Variants in STX17 observed in about 807,000 individuals in gnomAD.
STX17 encodes syntaxin-17.
A neutral mutation model predicts 35.9 loss-of-function variants in STX17; 29 were observed. The ratio of observed to expected loss-of-function variants is 0.81; its 90% CI spans 0.60 to 1.10. The LOEUF is 1.10. Ranked by LOEUF, STX17 falls within the 50% of genes least tolerant of loss-of-function variation. STX17 has a pLI of 0.00. For missense variants in STX17, 312 were observed against 352.3 expected, an observed-to-expected ratio of 0.89 and a Z score of 0.92; for synonymous variants, 92 against 118.3, an observed-to-expected ratio of 0.78 and a Z score of 1.44.
chr9:99,940,730 C>T (rs1829339527), intron 3 of STX17, among the ~76,000 whole-genome samples: 2 of 152,198 alleles, frequency 1.3e-5, no homozygotes, highest in Admixed American at 1.3e-4. Context: ...GTCCGCCTGA[C>T]TCAGCCTCCC....
At position 99,918,611 on chromosome 9, in the gene STX17, T is replaced by C. The variant is rs74717419; in HGVS notation, c.123+3249T>C. Among the ~76,000 whole-genome samples, 595 of 152,206 alleles carry C rather than the reference T, an allele frequency of 3.9e-3. 30 individuals carry two copies. The East Asian group carries it at 0.1, about 26-fold the overall frequency. On this transcript the variant is annotated intron_variant, in intron 2 of 7. Transcript: ENST00000259400. ...TCTTCTGTTTCAGCATATAGTATTA[T>C]AGGCTTTTCTTGGCTGGCTTTTGAT...
chr9:99,940,475 T>C lies in STX17; in HGVS notation c.190-10585T>C, dbSNP rs1403169995. Among the ~76,000 whole-genome samples the C allele has an allele frequency of 1.4e-5, 2 of 146,486 alleles. 1 individual carries two copies. The highest frequency in any genetic ancestry group is 6.9e-3 in the Middle Eastern group (2 of 288). ...TTGTATAGTGTAGAATTTTACTTTTTTTTTTTTTTTTTTTGAGATGGAGTC... is the reference window on the plus strand; with the variant it reads ...TTGTATAGTGTAGAATTTTACTTTTCTTTTTTTTTTTTTTGAGATGGAGTC... On this transcript the variant is annotated intron_variant, in intron 3 of 7. Coordinates refer to ENST00000259400, the MANE Select transcript of STX17 (RefSeq NM_017919.3).
chr9:99,953,430 T>C (rs1003062892), intron 4 of STX17, among the ~76,000 whole-genome samples: 1 of 152,132 alleles, frequency 6.6e-6, no homozygotes, highest in Non-Finnish European at 1.5e-5. Context: ...AAGGAGATGC[T>C]AGCACTCAAT....
intron 2 of STX17, among the ~76,000 whole-genome samples, chr9:99,926,906 G>A (rs532859340): frequency 6.6e-6 from 1 of 152,318 alleles, no homozygotes; most frequent in African/African-American, 2.4e-5. Flanking sequence ...CTGATACTCA[G>A]TGTATTCCAA....
rs1829998924 is a variant in STX17 at position 99,970,424 on chromosome 9, C to T, written c.*1751C>T. The stretch of plus-strand genomic sequence containing the variant: ...CTTTGAATAAGTGTCAGATTCTGAT[C>T]CAGTATTGGACACCTGTGATATTGG... On this transcript the variant is annotated 3_prime_UTR_variant, in exon 8 of 8. Coordinates refer to ENST00000259400, the MANE Select transcript of STX17 (RefSeq NM_017919.3). 6.6e-6 allele frequency: 1 copy of T among 152,086 alleles called. No individual in the cohort carries two copies. Among genetic ancestry groups the T allele is most frequent in the South Asian group, 2.1e-4 (1 of 4,826 alleles). 9.4% of individuals were successfully genotyped at this position (152,086 alleles called of 1,614,324 possible).
chr9:99,963,342 G>T (rs879435185), intron 6 of STX17, among the ~76,000 whole-genome samples: 26 of 152,160 alleles, frequency 1.7e-4, no homozygotes, highest in Admixed American at 1.7e-3. Context: ...CCCTGGGCCA[G>T]TAGTTCAGTA....
At chr9:99,921,869 A>G (rs903239059) in intron 2 of STX17, among the ~76,000 whole-genome samples, 1 of 151,848 alleles carries the variant, frequency 6.6e-6, no homozygotes, top group African/African-American at 2.4e-5. Flanking sequence ...TTTGTTCTTA[A>G]TCTTCCTTTG....
intron 1 of STX17, among the ~76,000 whole-genome samples, chr9:99,909,517 G>A (rs974865744): frequency 6.6e-6 from 1 of 152,192 alleles, no homozygotes; most frequent in Admixed American, 6.5e-5. Flanking sequence ...AAGAGGCAGT[G>A]TGATAGATTG....
intron 1 of STX17, among the ~76,000 whole-genome samples, chr9:99,911,376 ACAC>A (rs1828661252): frequency 6.6e-6 from 1 of 151,940 alleles, no homozygotes; most frequent in Non-Finnish European, 1.5e-5. Context: ...TTGTGTATAT[ACAC>A]CACATTTTCT....
intron 3 of STX17, among the ~76,000 whole-genome samples, chr9:99,944,376 C>G (rs543655757): frequency 2.6e-5 from 4 of 151,988 alleles, no homozygotes; most frequent in African/African-American, 9.6e-5. Context: ...TAGTTTCTTG[C>G]AATGGATTTT....
intron 4 of STX17, chr9:99,953,873 G>A (rs1453858478): frequency 1.3e-5 from 2 of 151,806 alleles, no homozygotes; most frequent in Non-Finnish European, 2.9e-5. Context: ...TTGTTTTACT[G>A]CCAGTAGAAC....
chr9:99,932,408 C>T (rs1829144074), intron 3 of STX17, among the ~76,000 whole-genome samples: 1 of 152,030 alleles, frequency 6.6e-6, no homozygotes, highest in Non-Finnish European at 1.5e-5. Flanking sequence ...GCTGTATTTA[C>T]TGCTTGCTAA....
intron 4 of STX17, among the ~76,000 whole-genome samples, chr9:99,955,839 C>T (rs1829696449): frequency 6.6e-6 from 1 of 152,046 alleles, no homozygotes; most frequent in Admixed American, 6.6e-5. Context: ...GATTATGTTA[C>T]ATGAAACAGT....
intron 3 of STX17, among the ~76,000 whole-genome samples, chr9:99,941,978 A>C (rs1422525911): frequency 1.3e-5 from 2 of 152,224 alleles, no homozygotes; most frequent in Non-Finnish European, 2.9e-5. Context: ...TCTGTTGAGT[A>C]TATTCCTAGG....
intron 4 of STX17, 167 bp downstream of exon 4, chr9:99,951,452 G>C (rs1829594338): frequency 1.6e-6 from 1 of 633,564 alleles, no homozygotes; most frequent in African/African-American, 1.8e-5. Flanking sequence ...GTGTACCCTG[G>C]ATATTTTGCA....
intron 3 of STX17, among the ~76,000 whole-genome samples, chr9:99,930,793 A>G (rs960129969): frequency 2.0e-5 from 3 of 152,038 alleles, no homozygotes; most frequent in African/African-American, 7.3e-5. Context: ...TACCTTGGAG[A>G]TAAATATAAG....
chr9:99,974,511 C>G lies in STX17; in HGVS notation c.*5838C>G, dbSNP rs1830069396. Among the ~76,000 whole-genome samples the G allele has an allele frequency of 6.6e-6, 1 of 152,106 alleles. No individual in the cohort carries two copies. Among genetic ancestry groups the G allele is most frequent in the African/African-American group, 2.4e-5 (1 of 41,402 alleles). ...AGTGGTGCTTGAATAAGGAAACATG[C>G]AATAAATTTACTTATTTAACCAACA... On this transcript the variant is annotated 3_prime_UTR_variant, in exon 8 of 8. Coordinates refer to ENST00000259400, the MANE Select transcript of STX17 (RefSeq NM_017919.3).
rs113045654 is a variant in STX17, at chr9:99,960,266, C to T, written c.582+111C>T. 2.2e-4 allele frequency: 245 copies of T among 1,114,592 alleles called. 1 individual carries two copies. In the African/African-American group the frequency reaches 3.3e-3, roughly 15 times the overall value. The allele number at this position is 1,114,592 out of a possible 1,614,324, so 69.0% of individuals were successfully genotyped here. A position where few individuals can be genotyped will look rare whatever the true frequency, so the allele number is the denominator to read the frequency against. ...TTAATAGAACTTATAATTTTTAAGA[C>T]TGGTATTAAGCCATAGATAGAAGTT... On this transcript the variant is annotated intron_variant, in intron 6 of 7. Coordinates refer to ENST00000259400, the MANE Select transcript of STX17 (RefSeq NM_017919.3).
intron 3 of STX17, among the ~76,000 whole-genome samples, chr9:99,936,899 C>T (rs1184259453): frequency 6.6e-6 from 1 of 151,952 alleles, no homozygotes; most frequent in African/African-American, 2.4e-5. Context: ...TCCATATTTC[C>T]ATCTGGTGTG....
Sources: allele counts gnomAD v4.1 joint callset (sites outside exome capture counted in the v4.1 genomes callset), GRCh38; gene constraint gnomAD v4.1.1; transcripts MANE v1.5; gene names NCBI Gene and HGNC (gene_info 2026-07-23, HGNC 2026-07-21).